Variants in NUTF2 observed in about 807,000 individuals in gnomAD.
NUTF2 encodes the protein nuclear transport factor 2.
In NUTF2, 3 loss-of-function variants were observed where a neutral mutation model predicts 18.5. That is an observed-to-expected ratio of 0.16 (90% confidence interval 0.07 to 0.42). The LOEUF (loss-of-function observed/expected upper bound fraction) is 0.42. Among genes scored for constraint, NUTF2 ranks in the 10% least tolerant of loss-of-function variants. NUTF2 has a pLI of 0.99. For missense variants in NUTF2, 44 were observed against 160.7 expected (o/e 0.27, Z 3.93); for synonymous variants, 51 against 57.9 (o/e 0.88, Z 0.54).
In NUTF2 at chr16:67,864,067, C is replaced by T. The variant is rs543107718; in HGVS notation, c.-29-1035C>T. On this transcript the variant is annotated intron_variant, in intron 1 of 4. Coordinates refer to ENST00000219169, the MANE Select transcript of NUTF2 (RefSeq NM_005796.3). Reference sequence around the variant, plus strand: ...ACAACCCTCAGCTTTCCCTCTGATCCTTGAACTCATGTCCCCAGCTCTGAA... The same window carrying T: ...ACAACCCTCAGCTTTCCCTCTGATCTTTGAACTCATGTCCCCAGCTCTGAA... Among the ~76,000 whole-genome samples, 6 of 152,320 alleles carry T rather than the reference C, an allele frequency of 3.9e-5. No homozygotes were observed. In the East Asian group the frequency reaches 1.2e-3, roughly 29 times the overall value.
chr16:67,852,670 T>C (rs2057868697), intron 1 of NUTF2, among the ~76,000 whole-genome samples: 1 of 151,482 alleles, frequency 6.6e-6, no homozygotes, highest in Non-Finnish European at 1.5e-5. Flanking sequence ...TTTTTCTTTA[T>C]TTTATTTCTT....
At chr16:67,852,805 T>C (rs886440299) in intron 1 of NUTF2, among the ~76,000 whole-genome samples, 8 of 151,932 alleles carry the variant, frequency 5.3e-5, no homozygotes, top group African/African-American at 1.9e-4. Context: ...TCAGCCTCCC[T>C]AGTAGCTGGG....
intron 1 of NUTF2, chr16:67,847,266 C>G (rs1415367283): frequency 2.0e-5 from 3 of 152,276 alleles, no homozygotes; most frequent in Non-Finnish European, 4.4e-5. Flanking sequence ...ATGGCCAGGC[C>G]TTTTTCTCTA....
intron 1 of NUTF2, chr16:67,856,075 G>A (rs569993317): frequency 2.2e-5 from 14 of 635,288 alleles, no homozygotes; most frequent in African/African-American, 5.4e-5. Context: ...CAATCTGGAC[G>A]TCCCTGAAGA....
At chr16:67,860,058 C>T (rs930615718) in intron 1 of NUTF2, among the ~76,000 whole-genome samples, 2 of 151,738 alleles carry the variant, frequency 1.3e-5, no homozygotes, top group Non-Finnish European at 2.9e-5. Flanking sequence ...CCACTCACTG[C>T]AAGCTCCGCC....
intron 1 of NUTF2, chr16:67,855,985 A>T: frequency 8.1e-7 from 1 of 1,228,406 alleles, no homozygotes; most frequent in Non-Finnish European, 1.2e-6. Context: ...TCTTGGTGCC[A>T]GCGGCCTTGG....
At chr16:67,847,576 T>C (rs2057815122) in intron 1 of NUTF2, 1 of 152,444 alleles carries the variant, frequency 6.6e-6, no homozygotes, top group South Asian at 2.1e-4. Context: ...TGTACGTTTC[T>C]TACCGCGCCC....
intron 1 of NUTF2, among the ~76,000 whole-genome samples, chr16:67,852,726 CTGGAGTGCAA>C (rs2057869145): frequency 6.6e-6 from 1 of 151,998 alleles, no homozygotes; most frequent in Non-Finnish European, 1.5e-5. Flanking sequence ...ATTGCCCAGG[CTGGAGTGCAA>C]TGGCGTGATC....
At chr16:67,870,536 G>A (rs574765535) in intron 4 of NUTF2, 4 of 438,634 alleles carry the variant, frequency 9.1e-6, no homozygotes, top group Admixed American at 8.5e-5. Flanking sequence ...CTCTTTTGCT[G>A]TAGCTAAGGG....
At chr16:67,847,398 C>T (rs2057812673) in intron 1 of NUTF2, 1 of 152,358 alleles carries the variant, frequency 6.6e-6, no homozygotes, top group Non-Finnish European at 1.5e-5. Context: ...TCCTGCTACC[C>T]ACCTACGAAG....
chr16:67,866,306 G>GT (rs921901942), intron 2 of NUTF2, among the ~76,000 whole-genome samples: 4,658 of 133,968 alleles, frequency 0.035, 140 homozygotes, highest in African/African-American at 0.071. Flanking sequence ...TCATAGTAGA[G>GT]TTTTTTTTTT....
intron 2 of NUTF2, among the ~76,000 whole-genome samples, chr16:67,867,357 C>T (rs2057980226): frequency 6.6e-6 from 1 of 152,216 alleles, no homozygotes; most frequent in Non-Finnish European, 1.5e-5. Context: ...TTTCATAATA[C>T]TCAGCACATT....
In NUTF2 at chr16:67,865,122, C is replaced by G; in HGVS notation, c.-9C>G. 20 of 1,600,072 alleles carry G rather than the reference C, an allele frequency of 1.2e-5. No individual in the cohort carries two copies. Among genetic ancestry groups the G allele is most frequent in the Non-Finnish European group, 1.7e-5 (20 of 1,169,056 alleles). On this transcript the variant is annotated 5_prime_UTR_variant, in exon 2 of 5. Transcript: ENST00000219169. ...TGCAGGTCTCCGTGAGGCCGGGTGA[C>G]GCTCCAGAATGGGAGACAAGCCAAT...
chr16:67,856,394 C>G (rs578108800), intron 1 of NUTF2, among the ~76,000 whole-genome samples: 1 of 151,904 alleles, frequency 6.6e-6, no homozygotes, highest in Non-Finnish European at 1.5e-5. Context: ...GTTTCACCAT[C>G]TTGGCCAGGC....
At chr16:67,860,066 G>A (rs1443714590) in intron 1 of NUTF2, among the ~76,000 whole-genome samples, 1 of 151,092 alleles carries the variant, frequency 6.6e-6, no homozygotes, top group Non-Finnish European at 1.5e-5. Context: ...TGCAAGCTCC[G>A]CCTCCTGGGT....
intron 1 of NUTF2, among the ~76,000 whole-genome samples, chr16:67,860,107 G>A (rs998025357): frequency 6.6e-6 from 1 of 151,928 alleles, no homozygotes; most frequent in Non-Finnish European, 1.5e-5. Context: ...AGCCTCCCAA[G>A]TAGCTGGGAC....
rs571262901 is a variant in NUTF2 at position 67,859,299 on chromosome 16, C to T, written c.-29-5803C>T. Among the ~76,000 whole-genome samples the T allele has an allele frequency of 7.9e-5, 12 of 151,350 alleles. No individual in the cohort carries two copies. In the East Asian group the frequency reaches 2.3e-3, roughly 29 times the overall value. ...GGTTCAAGCAGTTCTCCTGCCTTAG[C>T]CTCCCAAGTAGCCGGGATTACAGGT... On this transcript the variant is annotated intron_variant, in intron 1 of 4. Coordinates refer to ENST00000219169, the MANE Select transcript of NUTF2 (RefSeq NM_005796.3).
At chr16:67,862,162 T>A (rs1027163469) in intron 1 of NUTF2, among the ~76,000 whole-genome samples, 3 of 152,008 alleles carry the variant, frequency 2.0e-5, no homozygotes, top group African/African-American at 7.3e-5. Flanking sequence ...TGGTCAGCTT[T>A]GTGGTTTAGA....
chr16:67,864,962 C>G, intron 1 of NUTF2, 140 bp from the exon 2 acceptor site: 1 of 580,474 alleles, frequency 1.7e-6, no homozygotes, highest in South Asian at 2.1e-5. Flanking sequence ...CCTGCCAGTT[C>G]CCCAGGGCCT....
Sources: gnomAD v4.1 joint callset for allele counts (sites outside exome capture counted in the v4.1 genomes callset) on GRCh38, gnomAD v4.1.1 for gene constraint, MANE v1.5 for transcripts, NCBI Gene and HGNC (gene_info 2026-07-23, HGNC 2026-07-21) for gene names.